ARID4B: variants seen among roughly 807,000 people sequenced by gnomAD.
The protein encoded by ARID4B is AT-rich interactive domain-containing protein 4B.
Under a neutral mutation model 147.5 loss-of-function variants are expected in ARID4B, and 26 were observed. That is an observed-to-expected ratio of 0.18 (90% confidence interval 0.13 to 0.24). The LOEUF (loss-of-function observed/expected upper bound fraction) is 0.24. Ranked by LOEUF, ARID4B falls within the 10% of genes least tolerant of loss-of-function variation. The pLI is 1.00. For synonymous variants in ARID4B, 512 were observed against 507.9 expected (o/e 1.01, Z -0.11); for missense variants, 1,179 against 1,511.5 (o/e 0.78, Z 3.65).
chr1:235,209,563 G>GTTTTTTTTTTTTTTT (rs374681138), intron 17 of ARID4B, among the ~76,000 whole-genome samples: 1 of 137,160 alleles, frequency 7.3e-6, no homozygotes, highest in African/African-American at 2.9e-5. Flanking sequence ...TTTGTTTTTT[G>GTTTTTTTTTTTTTTT]TTTTGTTTTT....
intron 2 of ARID4B, among the ~76,000 whole-genome samples, chr1:235,285,626 A>G (rs1233705002): frequency 1.3e-5 from 2 of 152,234 alleles, no homozygotes; most frequent in Admixed American, 6.5e-5. Context: ...GAAAGAAAAG[A>G]TATTTGAATT....
At chr1:235,268,640 T>C (rs1670769187) in intron 2 of ARID4B, among the ~76,000 whole-genome samples, 1 of 152,114 alleles carries the variant, frequency 6.6e-6, no homozygotes, top group Non-Finnish European at 1.5e-5. Context: ...GCAATTCTCC[T>C]GCCCCAGCCT....
At chr1:235,265,162 G>A (rs558773755) in intron 2 of ARID4B, among the ~76,000 whole-genome samples, 6 of 150,004 alleles carry the variant, frequency 4.0e-5, no homozygotes, top group Admixed American at 2.7e-4. Context: ...TCAGGCATTC[G>A]AGACCAGCCT....
chr1:235,320,796 G>C (rs1325267580), intron 2 of ARID4B, among the ~76,000 whole-genome samples: 1 of 152,032 alleles, frequency 6.6e-6, no homozygotes, highest in African/African-American at 2.4e-5. Flanking sequence ...ATTTGCACTT[G>C]TTTTCTGCAG....
intron 5 of ARID4B, among the ~76,000 whole-genome samples, chr1:235,255,267 A>AGATATATC (rs1553304359): frequency 7.3e-6 from 1 of 137,154 alleles, no homozygotes; most frequent in African/African-American, 2.7e-5. Flanking sequence ...AGATAGATAT[A>AGATATATC]TATCTCTCTC....
intron 2 of ARID4B, among the ~76,000 whole-genome samples, chr1:235,277,911 G>A (rs1438853471): frequency 6.6e-6 from 1 of 152,100 alleles, no homozygotes; most frequent in African/African-American, 2.4e-5. Context: ...TACTCTTACT[G>A]GTAGGTCACA....
intron 2 of ARID4B, among the ~76,000 whole-genome samples, chr1:235,276,575 T>C (rs548859157): frequency 1.3e-5 from 2 of 152,064 alleles, no homozygotes; most frequent in Non-Finnish European, 2.9e-5. Flanking sequence ...GGCAGTAGGA[T>C]TGCTTGAGCC....
At chr1:235,221,812 T>A (rs1667481593) in intron 13 of ARID4B, 150 bp from the exon 14 acceptor site, 1 of 392,778 alleles carries the variant, frequency 2.5e-6, no homozygotes, top group Admixed American at 4.2e-5. Context: ...CTAAATTTGG[T>A]TTAAAAATAA....
intron 4 of ARID4B, among the ~76,000 whole-genome samples, chr1:235,256,016 G>C (rs183702518): frequency 6.6e-6 from 1 of 151,600 alleles, no homozygotes; most frequent in Non-Finnish European, 1.5e-5. Flanking sequence ...TCTACCAAAA[G>C]TACAAAAATT....
chr1:235,223,995 ATATACT>A (rs572799738), intron 12 of ARID4B, among the ~76,000 whole-genome samples: 14 of 152,326 alleles, frequency 9.2e-5, no homozygotes, highest in South Asian at 4.1e-4. Context: ...GAAAAAGAAA[ATATACT>A]TATATTGTGT....
intron 2 of ARID4B, chr1:235,296,449 A>G (rs1672712506): frequency 6.6e-6 from 1 of 150,954 alleles, no homozygotes; most frequent in African/African-American, 2.4e-5. Context: ...AAAACTGGAA[A>G]TATCAGTATG....
chr1:235,173,109 G>T (rs1452119709), intron 22 of ARID4B, among the ~76,000 whole-genome samples: 1 of 152,164 alleles, frequency 6.6e-6, no homozygotes, highest in East Asian at 1.9e-4. Context: ...ACTTTGGGAG[G>T]CCGAGGTGGG....
intron 2 of ARID4B, among the ~76,000 whole-genome samples, chr1:235,268,489 TAAC>T (rs747143133): frequency 3.9e-5 from 6 of 152,078 alleles, no homozygotes; most frequent in Admixed American, 6.6e-5. Flanking sequence ...GACAGCCCAG[TAAC>T]AACAACAACA....
At chr1:235,252,016 G>A (rs916055874) in intron 6 of ARID4B, among the ~76,000 whole-genome samples, 1 of 152,082 alleles carries the variant, frequency 6.6e-6, no homozygotes, top group African/African-American at 2.4e-5. Context: ...ACCTCATAAT[G>A]TTGCAAATAC....
intron 2 of ARID4B, among the ~76,000 whole-genome samples, chr1:235,325,879 T>C (rs1675198560): frequency 6.6e-6 from 1 of 152,234 alleles, no homozygotes; most frequent in African/African-American, 2.4e-5. Flanking sequence ...CCACAAGTAT[T>C]ACAAATTTTA....
chr1:235,249,696 C>T (rs1669520629), intron 6 of ARID4B, among the ~76,000 whole-genome samples: 1 of 151,860 alleles, frequency 6.6e-6, no homozygotes, highest in Admixed American at 6.6e-5. Flanking sequence ...AATCCCAGCA[C>T]TTTGGGAGGC....
At chr1:235,224,809 C>CTGT in intron 11 of ARID4B, 34 bp from the exon 12 acceptor site, 1 of 1,405,468 alleles carries the variant, frequency 7.1e-7, no homozygotes, top group Non-Finnish European at 9.9e-7. Context: ...TTATTTTCTT[C>CTGT]AATTAAGCAT....
intron 2 of ARID4B, among the ~76,000 whole-genome samples, chr1:235,321,185 T>C (rs1454218278): frequency 6.6e-6 from 1 of 152,218 alleles, no homozygotes; most frequent in Non-Finnish European, 1.5e-5. Flanking sequence ...AGTATTTTTT[T>C]TAATTACAAT....
intron 10 of ARID4B, among the ~76,000 whole-genome samples, chr1:235,230,436 CAAAACAAAAA>C (rs1185811829): frequency 6.9e-6 from 1 of 144,474 alleles, no homozygotes; most frequent in Non-Finnish European, 1.5e-5. Context: ...CAAAACAAAA[CAAAACAAAAA>C]AAACAACAAC....
Sources: gnomAD v4.1 joint callset for allele counts (sites outside exome capture counted in the v4.1 genomes callset) on GRCh38, gnomAD v4.1.1 for gene constraint, MANE v1.5 for transcripts, NCBI Gene and HGNC (gene_info 2026-07-23, HGNC 2026-07-21) for gene names.